Variants in MAPKAP1 observed in about 807,000 individuals in gnomAD.
MAPKAP1 encodes MAPK associated protein 1, also known as target of rapamycin complex 2 subunit MAPKAP1.
Under a neutral mutation model 65.7 loss-of-function variants are expected in MAPKAP1, and 20 were observed. The ratio of observed to expected loss-of-function variants is 0.30; its 90% CI spans 0.21 to 0.44. The LOEUF is 0.44. Ranked by LOEUF, MAPKAP1 falls within the 20% of genes least tolerant of loss-of-function variation. MAPKAP1 has a pLI of 1.00. For missense variants in MAPKAP1, 423 were observed against 648.0 expected (o/e 0.65, Z 3.77); for synonymous variants, 222 against 244.3 (o/e 0.91, Z 0.85).
rs145620758 is a variant in MAPKAP1, at chr9:125,669,522, C to T, written c.349+296G>A. ...ATAAAAATCAAATCATAGGGTACTC[C>T]TTGGCCTATATTTTTTTAAAAAATC... On this transcript the variant is annotated intron_variant, in intron 3 of 11. Transcript: ENST00000265960. Among the ~76,000 whole-genome samples the T allele has an allele frequency of 2.0e-4, 31 of 152,196 alleles. No homozygotes were observed. The East Asian group carries it at 5.0e-3, about 25-fold the overall frequency.
At chr9:125,559,863 A>C in intron 5 of MAPKAP1, 54 bp from the exon 6 acceptor site, 1 of 1,551,550 alleles carries the variant, frequency 6.4e-7, no homozygotes, top group Non-Finnish European at 8.8e-7. Context: ...AGGGACAAGA[A>C]GACCAGAGGG....
At position 125,648,812 on chromosome 9, in the gene MAPKAP1, G is replaced by A. The variant is rs145517848; in HGVS notation, c.498+8839C>T. On this transcript the variant is annotated intron_variant, in intron 4 of 11. Coordinates refer to ENST00000265960, the MANE Select transcript of MAPKAP1 (RefSeq NM_001006617.3). ...AAAAATTAGCTGGGCGTGGTGGCAC[G>A]CACCTGTAATCCCAGCTACTTGGGA... Among the ~76,000 whole-genome samples the A allele has an allele frequency of 3.2e-3, 482 of 152,058 alleles. 2 individuals carry two copies. Among genetic ancestry groups the A allele is most frequent in the South Asian group, 5.0e-3 (24 of 4,800 alleles).
At chr9:125,628,420 GAA>G (rs1294007589) in intron 4 of MAPKAP1, among the ~76,000 whole-genome samples, 1 of 152,152 alleles carries the variant, frequency 6.6e-6, no homozygotes, top group African/African-American at 2.4e-5. Context: ...TTACACCTGT[GAA>G]AAGTGTTCTC....
At chr9:125,579,469 A>G (rs1831550279) in intron 5 of MAPKAP1, among the ~76,000 whole-genome samples, 1 of 151,984 alleles carries the variant, frequency 6.6e-6, no homozygotes, top group South Asian at 2.1e-4. Context: ...TTTTTTGTAT[A>G]TTTTGTAGAG....
At chr9:125,663,089 A>G (rs1211239837) in intron 3 of MAPKAP1, among the ~76,000 whole-genome samples, 4 of 152,180 alleles carry the variant, frequency 2.6e-5, no homozygotes, top group African/African-American at 9.7e-5. Context: ...GGAAATTTAA[A>G]CTGGGGGAAA....
At chr9:125,654,194 T>C (rs1408722948) in intron 4 of MAPKAP1, among the ~76,000 whole-genome samples, 1 of 152,162 alleles carries the variant, frequency 6.6e-6, no homozygotes, top group African/African-American at 2.4e-5. Context: ...AAGCAACCTC[T>C]TGTCACAACC....
chr9:125,654,581 C>G (rs188752330), intron 4 of MAPKAP1, among the ~76,000 whole-genome samples: 1 of 152,240 alleles, frequency 6.6e-6, no homozygotes, highest in Admixed American at 6.5e-5. Flanking sequence ...CAGCCTTTCC[C>G]TCTCAATTTC....
At chr9:125,460,282 T>G (rs1853435635) in intron 10 of MAPKAP1, among the ~76,000 whole-genome samples, 1 of 151,570 alleles carries the variant, frequency 6.6e-6, no homozygotes, top group South Asian at 2.1e-4. Context: ...GAAAACTTAA[T>G]AGCAAAAAGG....
chr9:125,567,279 T>C (rs575852365), intron 5 of MAPKAP1, among the ~76,000 whole-genome samples: 34 of 152,274 alleles, frequency 2.2e-4, no homozygotes, highest in African/African-American at 5.1e-4. Flanking sequence ...CATTCCCAGA[T>C]GGTTAAGGCA....
intron 4 of MAPKAP1, among the ~76,000 whole-genome samples, chr9:125,642,262 G>A (rs1225166940): frequency 1.3e-5 from 2 of 151,936 alleles, no homozygotes; most frequent in African/African-American, 2.4e-5. Context: ...GCTAACTAAA[G>A]TCAGAAGTAA....
chr9:125,472,472 G>C (rs1171395943), intron 9 of MAPKAP1, among the ~76,000 whole-genome samples: 2 of 152,016 alleles, frequency 1.3e-5, no homozygotes, highest in Non-Finnish European at 2.9e-5. Flanking sequence ...CATGAAATCC[G>C]ATCAATATTC....
intron 4 of MAPKAP1, among the ~76,000 whole-genome samples, chr9:125,589,612 A>G (rs1831893919): frequency 6.6e-6 from 1 of 152,212 alleles, no homozygotes; most frequent in African/African-American, 2.4e-5. Flanking sequence ...CTTTAACTCT[A>G]TAATTCTATC....
At chr9:125,589,083 A>G (rs1348791173) in intron 4 of MAPKAP1, among the ~76,000 whole-genome samples, 1 of 152,098 alleles carries the variant, frequency 6.6e-6, no homozygotes, top group African/African-American at 2.4e-5. Context: ...GAGGTTACTT[A>G]ATCTCTCTAT....
intron 4 of MAPKAP1, among the ~76,000 whole-genome samples, chr9:125,594,299 A>G (rs1007920418): frequency 2.6e-5 from 4 of 151,978 alleles, no homozygotes; most frequent in African/African-American, 7.3e-5. Flanking sequence ...TAGCATTCCA[A>G]CTCCTTAGGT....
chr9:125,661,114 TG>T (rs1242353849), intron 3 of MAPKAP1, among the ~76,000 whole-genome samples: 3 of 152,124 alleles, frequency 2.0e-5, no homozygotes, highest in Non-Finnish European at 4.4e-5. Flanking sequence ...AGCTCTTAAA[TG>T]GAAAGATTCT....
chr9:125,554,436 G>C (rs903540846), intron 6 of MAPKAP1, among the ~76,000 whole-genome samples: 5 of 152,202 alleles, frequency 3.3e-5, no homozygotes, highest in African/African-American at 1.2e-4. Context: ...TTTTGAAACA[G>C]GGAGAGTCCT....
chr9:125,528,991 C>A (rs945616562), intron 7 of MAPKAP1, among the ~76,000 whole-genome samples: 2 of 150,582 alleles, frequency 1.3e-5, no homozygotes, highest in Admixed American at 1.3e-4. Context: ...ATGGCGAAAA[C>A]CCCTGTCTAA....
At chr9:125,488,758 C>T (rs1443483881) in intron 8 of MAPKAP1, among the ~76,000 whole-genome samples, 2 of 152,142 alleles carry the variant, frequency 1.3e-5, no homozygotes, top group East Asian at 1.9e-4. Flanking sequence ...GTATGCTAGA[C>T]GGTGGGGGAC....
chr9:125,624,615 G>T lies in MAPKAP1; in HGVS notation c.498+33036C>A, dbSNP rs1833037319. Among the ~76,000 whole-genome samples, 3 of 71,532 alleles carry T rather than the reference G, an allele frequency of 4.2e-5. 1 individual carries two copies. The allele number at this position is 71,532 out of a possible 152,430, so 46.9% of individuals were successfully genotyped here. The stretch of plus-strand genomic sequence containing the variant: ...CGCCCCGTCCGGGAGGGAGGTGGGG[G>T]GGGGGGTCAGCCCCCCTGCCCGGCC... On this transcript the variant is annotated intron_variant, in intron 4 of 11. Coordinates refer to ENST00000265960, the MANE Select transcript of MAPKAP1 (RefSeq NM_001006617.3).
Sources: gnomAD v4.1 joint callset for allele counts (sites outside exome capture counted in the v4.1 genomes callset) on GRCh38, gnomAD v4.1.1 for gene constraint, MANE v1.5 for transcripts, NCBI Gene and HGNC (gene_info 2026-07-23, HGNC 2026-07-21) for gene names.